The following ERBB4 variants were observed in gnomAD, a reference collection of about 807,000 sequenced individuals.
ERBB4 encodes the protein receptor tyrosine-protein kinase erbB-4.
Under a neutral mutation model 158.0 loss-of-function variants are expected in ERBB4, and 42 were observed. That is an observed-to-expected ratio of 0.27 (90% confidence interval 0.21 to 0.34). The LOEUF is 0.34. ERBB4 is among the 10% of genes least tolerant of loss of function. The pLI is 1.00. For missense variants in ERBB4, 1,333 were observed against 1,624.1 expected (o/e 0.82, Z 3.08); for synonymous variants, 583 against 558.7 (o/e 1.04, Z -0.61).
intron 1 of ERBB4, among the ~76,000 whole-genome samples, chr2:212,178,723 A>G (rs1317988410): frequency 1.3e-5 from 2 of 151,862 alleles, no homozygotes; most frequent in African/African-American, 4.8e-5. Context: ...TTACATATCA[A>G]GATTGATAGT....
At position 212,395,614 on chromosome 2, in the gene ERBB4, CTTTTTTTTTTT is replaced by C. The variant is rs760604732; in HGVS notation, c.82+142824_82+142834del. 5.9e-5 allele frequency among the ~76,000 whole-genome samples: 5 copies of C among 84,734 alleles called. No homozygotes were observed. The East Asian group carries it at 9.7e-4, about 16-fold the overall frequency. 55.6% of individuals were successfully genotyped at this position (84,734 alleles called of 152,430 possible). ...GGACAGAATAGCAAACAGTTACACT[CTTTTTTTTTTT>C]TTTTTTTTTTTTTGAGATGGAGTCT... On this transcript the variant is annotated intron_variant, in intron 1 of 27. Coordinates refer to ENST00000342788, the MANE Select transcript of ERBB4 (RefSeq NM_005235.3).
chr2:211,598,062 G>C (rs1441417648), intron 19 of ERBB4, among the ~76,000 whole-genome samples: 2 of 152,060 alleles, frequency 1.3e-5, no homozygotes, highest in Admixed American at 6.6e-5. Context: ...TGGCCTCTAA[G>C]GCACAATCCA....
chr2:211,949,524 T>C (rs1286992240), intron 2 of ERBB4, among the ~76,000 whole-genome samples: 1 of 152,220 alleles, frequency 6.6e-6, no homozygotes, highest in Admixed American at 6.5e-5. Context: ...AATGTATTAT[T>C]AAAGTTAATA....
intron 2 of ERBB4, among the ~76,000 whole-genome samples, chr2:211,974,197 TG>T (rs2125211263): frequency 6.6e-6 from 1 of 152,352 alleles, no homozygotes; most frequent in South Asian, 2.1e-4. Flanking sequence ...AGTTTACCTA[TG>T]TAACAACCTG....
At chr2:212,184,006 A>G (rs989624569) in intron 1 of ERBB4, among the ~76,000 whole-genome samples, 5 of 152,150 alleles carry the variant, frequency 3.3e-5, no homozygotes, top group African/African-American at 1.2e-4. Flanking sequence ...TTTCAAAATC[A>G]TTAAATCATA....
intron 1 of ERBB4, among the ~76,000 whole-genome samples, chr2:212,530,394 TCCCTATAGAAA>T (rs1032895796): frequency 6.6e-6 from 1 of 152,130 alleles, no homozygotes; most frequent in Admixed American, 6.5e-5. Context: ...TTTTCATAGG[TCCCTATAGAAA>T]CCCATATTCT....
At chr2:212,204,816 C>CTTTTTT (rs369446940) in intron 1 of ERBB4, among the ~76,000 whole-genome samples, 2 of 122,188 alleles carry the variant, frequency 1.6e-5, no homozygotes, top group Non-Finnish European at 1.7e-5. Flanking sequence ...TATATGAAAA[C>CTTTTTT]TTTTTTTTTT....
chr2:211,581,816 C>T (rs1446831913), intron 19 of ERBB4, among the ~76,000 whole-genome samples: 1 of 152,018 alleles, frequency 6.6e-6, no homozygotes, highest in African/African-American at 2.4e-5. Context: ...TTGAGACCAT[C>T]CTGGCCAACA....
intron 20 of ERBB4, among the ~76,000 whole-genome samples, chr2:211,443,745 A>G (rs2064043157): frequency 6.6e-6 from 1 of 152,158 alleles, no homozygotes; most frequent in East Asian, 1.9e-4. Flanking sequence ...TAGACATGTT[A>G]GTTACTCAGT....
intron 12 of ERBB4, among the ~76,000 whole-genome samples, chr2:211,683,715 T>C (rs952425801): frequency 2.7e-5 from 4 of 150,922 alleles, no homozygotes; most frequent in African/African-American, 9.8e-5. Flanking sequence ...AATTGCTGGG[T>C]TATATGGTAG....
chr2:211,682,135 T>A (rs1314533194), intron 12 of ERBB4, among the ~76,000 whole-genome samples: 1 of 149,350 alleles, frequency 6.7e-6, no homozygotes, highest in East Asian at 1.9e-4. Context: ...TTCACCATCT[T>A]CCACCTGAAA....
intron 27 of ERBB4, 29 bp from the exon 28 acceptor site, chr2:211,384,089 C>T (rs372788955): frequency 3.2e-6 from 5 of 1,539,310 alleles, no homozygotes; most frequent in Non-Finnish European, 4.5e-6. Flanking sequence ...ATCAGCTAAC[C>T]TCTAGTTTCT....
chr2:212,243,032 G>C (rs778472846), intron 1 of ERBB4, among the ~76,000 whole-genome samples: 4 of 152,108 alleles, frequency 2.6e-5, no homozygotes, highest in Non-Finnish European at 5.9e-5. Context: ...CTTCCAGATG[G>C]TGTACTGAGT....
chr2:212,010,769 ATATCTCAGTCCT>A (rs906793985), intron 2 of ERBB4, among the ~76,000 whole-genome samples: 4 of 152,134 alleles, frequency 2.6e-5, no homozygotes, highest in African/African-American at 7.2e-5. Flanking sequence ...AGACCAGGAC[ATATCTCAGTCCT>A]TATCTCAACC....
At chr2:211,608,203 G>A (rs140363803) in intron 19 of ERBB4, among the ~76,000 whole-genome samples, 321 of 152,248 alleles carry the variant, frequency 2.1e-3, no homozygotes, top group African/African-American at 7.4e-3. Flanking sequence ...GCTTTGAACA[G>A]TAAGAATACC....
intron 2 of ERBB4, among the ~76,000 whole-genome samples, chr2:212,059,842 G>A (rs2077704742): frequency 1.3e-5 from 2 of 152,132 alleles, no homozygotes; most frequent in African/African-American, 4.8e-5. Context: ...AAAAACCCTA[G>A]AAGAAAACCT....
At chr2:212,276,354 A>G (rs1282039320) in intron 1 of ERBB4, among the ~76,000 whole-genome samples, 5 of 151,842 alleles carry the variant, frequency 3.3e-5, no homozygotes, top group Non-Finnish European at 4.4e-5. Flanking sequence ...ACAAACCATC[A>G]GATTTGTAAA....
intron 1 of ERBB4, among the ~76,000 whole-genome samples, chr2:212,279,465 C>A (rs2085670154): frequency 6.6e-6 from 1 of 151,468 alleles, no homozygotes; most frequent in Admixed American, 6.6e-5. Flanking sequence ...GCAATCCTAT[C>A]TTAATTAAAG....
chr2:211,853,237 T>C (rs944322451), intron 3 of ERBB4, among the ~76,000 whole-genome samples: 1 of 143,518 alleles, frequency 7.0e-6, no homozygotes, highest in Non-Finnish European at 1.6e-5. Context: ...CAACAGATCT[T>C]GCTCTTTTTT....
Sources: gnomAD v4.1 joint callset for allele counts (sites outside exome capture counted in the v4.1 genomes callset) on GRCh38, gnomAD v4.1.1 for gene constraint, MANE v1.5 for transcripts, NCBI Gene and HGNC (gene_info 2026-07-23, HGNC 2026-07-21) for gene names.